HELZ: variants seen among roughly 807,000 people sequenced by gnomAD.
The protein encoded by HELZ is ATP-dependent RNA helicase with zinc finger domain.
A neutral mutation model predicts 218.2 loss-of-function variants in HELZ; 23 were observed. The observed-to-expected ratio is 0.11, with a 90% CI of 0.08 to 0.15. The LOEUF (loss-of-function observed/expected upper bound fraction) is 0.15. Ranked by LOEUF, HELZ falls within the 10% of genes least tolerant of loss-of-function variation. HELZ has a pLI of 1.00. For missense variants in HELZ, 1,813 were observed against 2,353.7 expected (o/e 0.77, Z 4.75); for synonymous variants, 814 against 829.4 (o/e 0.98, Z 0.32).
intron 31 of HELZ, among the ~76,000 whole-genome samples, chr17:67,092,720 C>T (rs1262805933): frequency 6.6e-6 from 1 of 152,186 alleles, no homozygotes; most frequent in Non-Finnish European, 1.5e-5. Context: ...AATCCCAGCA[C>T]TTTGGGAGGC....
intron 18 of HELZ, among the ~76,000 whole-genome samples, chr17:67,150,773 G>C (rs555628797): frequency 6.6e-6 from 1 of 152,148 alleles, no homozygotes. Context: ...TGAACTAGAG[G>C]CTGGCAAATT....
chr17:67,111,539 G>A (rs970218077), intron 28 of HELZ, among the ~76,000 whole-genome samples: 1 of 152,178 alleles, frequency 6.6e-6, no homozygotes. Flanking sequence ...GCTTGTTCCT[G>A]AGTTGCAGCT....
At position 67,145,241 on chromosome 17, in the gene HELZ, C is replaced by A. The variant is rs1226633214; in HGVS notation, c.2769+502G>T. Among the ~76,000 whole-genome samples, 4 of 152,180 alleles carry A rather than the reference C, an allele frequency of 2.6e-5. No individual in the cohort carries two copies. The East Asian group carries it at 5.8e-4, about 22-fold the overall frequency. On this transcript the variant is annotated intron_variant, in intron 21 of 32. Transcript: ENST00000358691. ...TTTTGGTCTGCTGCCTGACCTGACC[C>A]TTCAAACTACTCACATGCTCTCTGA...
In HELZ at chr17:67,109,443, G is replaced by A. The variant is rs1305034227; in HGVS notation, c.4162C>T (p.Pro1388Ser). Residue 1388 changes from proline (P) to serine (S), a missense_variant, in exon 29 of 33, where the codon CCT becomes TCT. This residue lies in a region of HELZ where 938 missense variants were observed against 1,027.5 expected (regional missense o/e 0.91). Coordinates refer to ENST00000358691, the MANE Select transcript of HELZ (RefSeq NM_014877.4). ...GGTGGTATCTGATTTGGTTGTTCAG[G>A]CAAATTATTCTGCTGCTGATTTAAC... ...TLLNQQQNNLPEQPNQIPPQP... is the reference protein window; with the variant it reads ...TLLNQQQNNLSEQPNQIPPQP... The A allele has an allele frequency of 2.5e-6, 4 of 1,614,022 alleles. No individual in the cohort carries two copies. Among genetic ancestry groups the A allele is most frequent in the Non-Finnish European group, 3.4e-6 (4 of 1,180,032 alleles).
chr17:67,179,683 T>C (rs999157287), intron 12 of HELZ: 3 of 152,088 alleles, frequency 2.0e-5, no homozygotes, highest in African/African-American at 7.2e-5. Flanking sequence ...ACTCTATATG[T>C]AGTGCGTATT....
intron 12 of HELZ, among the ~76,000 whole-genome samples, chr17:67,179,204 A>G (rs2039540511): frequency 6.6e-6 from 1 of 152,214 alleles, no homozygotes; most frequent in Admixed American, 6.5e-5. Context: ...AATACAGATT[A>G]ACATTTAGAA....
chr17:67,165,779 G>A (rs1184688109), intron 15 of HELZ, among the ~76,000 whole-genome samples: 5 of 152,144 alleles, frequency 3.3e-5, no homozygotes, highest in African/African-American at 1.2e-4. Flanking sequence ...AGTTTCTGAA[G>A]TAGTTTCTTC....
chr17:67,208,018 G>C lies in HELZ; in HGVS notation c.248-4575C>G, dbSNP rs931016391. On this transcript the variant is annotated intron_variant, in intron 5 of 32. Transcript: ENST00000358691. Reference sequence around the variant, plus strand: ...TGTCTCAAAACAAAAACAAAAAACAGCATGGATGGATCTCAAGAGGACCAT... The same window carrying C: ...TGTCTCAAAACAAAAACAAAAAACACCATGGATGGATCTCAAGAGGACCAT... Among the ~76,000 whole-genome samples, 57 of 152,042 alleles carry C rather than the reference G, an allele frequency of 3.7e-4. 1 individual carries two copies. Among genetic ancestry groups the C allele is most frequent in the African/African-American group, 1.4e-3 (57 of 41,390 alleles).
intron 3 of HELZ, among the ~76,000 whole-genome samples, chr17:67,231,781 G>A (rs574645036): frequency 4.6e-5 from 7 of 151,744 alleles, no homozygotes; most frequent in South Asian, 2.1e-4. Context: ...GGCCAGGTGC[G>A]GTGGCTCACA....
intron 17 of HELZ, among the ~76,000 whole-genome samples, chr17:67,158,094 A>G (rs2038894314): frequency 6.6e-6 from 1 of 152,244 alleles, no homozygotes; most frequent in South Asian, 2.1e-4. Context: ...CAACTAAAAG[A>G]ATTTTACAAA....
intron 3 of HELZ, among the ~76,000 whole-genome samples, chr17:67,234,717 C>T (rs2041132630): frequency 6.6e-6 from 1 of 151,850 alleles, no homozygotes; most frequent in Non-Finnish European, 1.5e-5. Flanking sequence ...AAAAAACTCC[C>T]CAAAACCCAG....
At chr17:67,156,564 C>T (rs888050999) in intron 17 of HELZ, among the ~76,000 whole-genome samples, 1 of 152,062 alleles carries the variant, frequency 6.6e-6, no homozygotes. Context: ...CCAGGCCCAG[C>T]GAGTTACCTG....
At chr17:67,203,260 C>A in intron 6 of HELZ, 59 bp downstream of exon 6, 1 of 1,567,996 alleles carries the variant, frequency 6.4e-7, no homozygotes, top group South Asian at 1.2e-5. Flanking sequence ...CACAATATAC[C>A]TAAGGAATCA....
chr17:67,149,957 T>C lies in HELZ; in HGVS notation c.2385A>G (p.Glu795=), dbSNP rs773038301. Residue 795 remains glutamate (E), a synonymous_variant, in exon 19 of 33, where the codon GAA becomes GAG. Coordinates refer to ENST00000358691, the MANE Select transcript of HELZ (RefSeq NM_014877.4). ...PGFFTHILLD[E]AAQAMECETI... ...TTTCACACTCCATGGCCTGGGCAGC[T>C]TCATCTAATAGAATGTGTGTAAAAA... 26 of 1,610,652 alleles carry C rather than the reference T, an allele frequency of 1.6e-5. No homozygotes were observed. Among genetic ancestry groups the C allele is most frequent in the Non-Finnish European group, 2.1e-5 (25 of 1,178,068 alleles).
chr17:67,168,046 G>A (rs947763168), intron 13 of HELZ, among the ~76,000 whole-genome samples: 3 of 151,796 alleles, frequency 2.0e-5, no homozygotes, highest in South Asian at 2.1e-4. Flanking sequence ...ACAGTGGCAC[G>A]ATCTTGGCTC....
intron 21 of HELZ, among the ~76,000 whole-genome samples, chr17:67,141,736 T>C (rs1419702862): frequency 1.3e-5 from 2 of 151,902 alleles, no homozygotes; most frequent in Admixed American, 6.6e-5. Context: ...ACTCAAAAAA[T>C]ATAATTAAAA....
At chr17:67,224,885 C>T (rs1028471189) in intron 3 of HELZ, 2 of 779,556 alleles carry the variant, frequency 2.6e-6, no homozygotes, top group Non-Finnish European at 4.5e-6. Flanking sequence ...CAAACTAAGC[C>T]GATCTTCCGG....
intron 17 of HELZ, among the ~76,000 whole-genome samples, chr17:67,158,450 G>A (rs2038904512): frequency 6.6e-6 from 1 of 152,160 alleles, no homozygotes; most frequent in Non-Finnish European, 1.5e-5. Context: ...TGTAATAATA[G>A]TGCTAATAAA....
chr17:67,204,327 T>C (rs1199391609), intron 5 of HELZ, among the ~76,000 whole-genome samples: 1 of 152,208 alleles, frequency 6.6e-6, no homozygotes, highest in East Asian at 1.9e-4. Context: ...AATAAAATTC[T>C]ACATAAGAGT....
Sources: allele counts gnomAD v4.1 joint callset (sites outside exome capture counted in the v4.1 genomes callset), GRCh38; gene constraint gnomAD v4.1.1; regional missense constraint gnomAD v4.1.1; transcripts MANE v1.5; gene names NCBI Gene and HGNC (gene_info 2026-07-23, HGNC 2026-07-21).